Variants in RBPJ observed in about 807,000 individuals in gnomAD.
RBPJ encodes the protein recombining binding protein suppressor of hairless.
In RBPJ, 9 loss-of-function variants were observed where a neutral mutation model predicts 67.8. The ratio of observed to expected loss-of-function variants is 0.13; its 90% CI spans 0.08 to 0.23. The LOEUF (loss-of-function observed/expected upper bound fraction) is 0.23. RBPJ is among the 10% of genes least tolerant of loss of function. The probability of loss-of-function intolerance (pLI) is 1.00; values close to 1 mark genes in which losing one functional copy is unlikely to be tolerated. For synonymous variants in RBPJ, 198 were observed against 203.3 expected (o/e 0.97, Z 0.22); for missense variants, 305 against 595.6 (o/e 0.51, Z 5.08).
At chr4:26,410,197 T>G (rs1733880087) in intron 3 of RBPJ, 5 of 301,554 alleles carry the variant, frequency 1.7e-5, no homozygotes, top group South Asian at 1.4e-4. Flanking sequence ...GGTTCAGGCC[T>G]TTTTGAAGAG....
chr4:26,329,296 T>C (rs1441203164), intron 1 of RBPJ, among the ~76,000 whole-genome samples: 2 of 151,994 alleles, frequency 1.3e-5, no homozygotes, highest in Non-Finnish European at 2.9e-5. Context: ...CCTGGCGGCA[T>C]TGAGGGTTTT....
At position 26,321,045 on chromosome 4, in the gene RBPJ, C is replaced by A; in HGVS notation, c.17C>A (p.Thr6Lys). Residue 6 changes from threonine (T) to lysine (K), a missense_variant, in exon 1 of 11, where the codon ACA (threonine) becomes AAA (lysine). Physicochemically the swap from Thr to Lys is moderately conservative, Grantham distance 78. Coordinates refer to ENST00000355476, the MANE Select transcript of RBPJ (RefSeq NM_015874.6). MAPVV[T>K]GKFGERPPPK... Reference sequence around the variant, plus strand: ...TTGTGGAAGATGGCGCCTGTTGTGACAGGGTAAGTCTGAGGGAATCGGAGC... The same window carrying A: ...TTGTGGAAGATGGCGCCTGTTGTGAAAGGGTAAGTCTGAGGGAATCGGAGC... 1.2e-6 allele frequency: 2 copies of A among 1,610,626 alleles called. No individual in the cohort carries two copies. The highest frequency in any genetic ancestry group is 1.7e-6 in the Non-Finnish European group (2 of 1,177,124).
the RBPJ span, among the ~76,000 whole-genome samples, chr4:26,120,765 A>T: frequency 8.0e-6 from 1 of 124,840 alleles, no homozygotes; most frequent in Non-Finnish European, 1.6e-5. Context: ...GCAATATCCC[A>T]GCTTTATAGA....
intron 1 of RBPJ, among the ~76,000 whole-genome samples, chr4:26,241,215 A>G (rs187054953): frequency 6.6e-6 from 1 of 151,828 alleles, no homozygotes; most frequent in South Asian, 2.1e-4. Context: ...AAAAAAAAAA[A>G]AAAAAAATTG....
At chr4:26,198,894 T>C (rs1367677690) in intron 1 of RBPJ, among the ~76,000 whole-genome samples, 2 of 152,258 alleles carry the variant, frequency 1.3e-5, no homozygotes, top group African/African-American at 4.8e-5. Context: ...GCCTGTAAAA[T>C]TATTGTTTTG....
chr4:26,106,715 A>C, the RBPJ span, among the ~76,000 whole-genome samples: 2 of 152,176 alleles, frequency 1.3e-5, no homozygotes, highest in South Asian at 4.1e-4. Flanking sequence ...TAATTTGGTA[A>C]GTCACTGAAT....
At chr4:26,310,755 C>T (rs1409957693) in intron 1 of RBPJ, among the ~76,000 whole-genome samples, 2 of 151,170 alleles carry the variant, frequency 1.3e-5, no homozygotes, top group Admixed American at 6.6e-5. Context: ...CTGCAACCTC[C>T]GCCTCCCGGG....
chr4:26,156,464 G>C, the RBPJ span, among the ~76,000 whole-genome samples: 1 of 141,858 alleles, frequency 7.0e-6, no homozygotes, highest in African/African-American at 2.7e-5. Context: ...TGTAACCCAG[G>C]CTGGAGTACA....
At chr4:26,237,686 A>C (rs1388363174) in intron 1 of RBPJ, among the ~76,000 whole-genome samples, 1 of 152,200 alleles carries the variant, frequency 6.6e-6, no homozygotes, top group Non-Finnish European at 1.5e-5. Flanking sequence ...CGAGAAAATC[A>C]CTTCAATTTT....
Position 26,244,091 on chromosome 4 carries a change from C to T in RBPJ, c.-167+80477C>T, listed in dbSNP as rs148424077. On this transcript the variant is annotated intron_variant, in intron 1 of 4. Coordinates refer to the RBPJ transcript ENST00000512351. ...CTTTGGCCTGGGCAACAGAGTGAGACCCTGTCTCAAAAAAAAAGAAGAAAA... is the reference window on the plus strand; with the variant it reads ...CTTTGGCCTGGGCAACAGAGTGAGATCCTGTCTCAAAAAAAAAGAAGAAAA... Among the ~76,000 whole-genome samples, 446 of 149,126 alleles carry T rather than the reference C, an allele frequency of 3.0e-3. 2 individuals carry two copies. Among genetic ancestry groups the T allele is most frequent in the Non-Finnish European group, 3.3e-3 (223 of 67,462 alleles).
At chr4:26,290,582 T>C (rs1487131935) in intron 1 of RBPJ, among the ~76,000 whole-genome samples, 1 of 150,644 alleles carries the variant, frequency 6.6e-6, no homozygotes, top group Non-Finnish European at 1.5e-5. Context: ...TTATACCATA[T>C]GACATAGAAT....
chr4:26,270,439 A>AAGAAAGAAAGAAAGAG, intron 1 of RBPJ, among the ~76,000 whole-genome samples: 1 of 100,406 alleles, frequency 1.0e-5, no homozygotes, highest in East Asian at 2.5e-4. Flanking sequence ...GAAAGAAAGA[A>AAGAAAGAAAGAAAGAG]GAAAGAAAGA....
intron 1 of RBPJ, among the ~76,000 whole-genome samples, chr4:26,191,019 GCA>G (rs1022919436): frequency 3.3e-5 from 5 of 150,704 alleles, no homozygotes; most frequent in Non-Finnish European, 7.4e-5. Context: ...AGGCATAGCA[GCA>G]CACACCTGTG....
At chr4:26,320,459 C>A, upstream of RBPJ, 1 of 404,440 alleles carries the variant, frequency 2.5e-6, no homozygotes, top group Non-Finnish European at 4.5e-6. Context: ...CTCTGGCGCT[C>A]CTGCACCAAA....
At chr4:26,426,852 T>G (rs1735722058) in intron 7 of RBPJ, among the ~76,000 whole-genome samples, 1 of 151,654 alleles carries the variant, frequency 6.6e-6, no homozygotes, top group Non-Finnish European at 1.5e-5. Flanking sequence ...GGAGGAGAGG[T>G]CAAGTGGCAG....
At chr4:26,397,186 C>T (rs1006385222) in intron 2 of RBPJ, among the ~76,000 whole-genome samples, 1 of 152,188 alleles carries the variant, frequency 6.6e-6, no homozygotes, top group African/African-American at 2.4e-5. Flanking sequence ...TGGATTGAGA[C>T]ACGCTTCTTT....
intron 1 of RBPJ, among the ~76,000 whole-genome samples, chr4:26,184,372 G>A (rs73245722): frequency 0.22 from 33,988 of 151,774 alleles, 3,936 homozygotes; most frequent in Non-Finnish European, 0.25. Context: ...TTGACAGCCA[G>A]GGAGCAGGGT....
At chr4:26,327,667 T>C (rs1723780201) in intron 1 of RBPJ, among the ~76,000 whole-genome samples, 1 of 151,054 alleles carries the variant, frequency 6.6e-6, no homozygotes, top group South Asian at 2.1e-4. Context: ...TCATAAAAAG[T>C]TTACATAACA....
chr4:26,370,968 T>C (rs545255321), intron 1 of RBPJ, among the ~76,000 whole-genome samples: 1 of 151,828 alleles, frequency 6.6e-6, no homozygotes, highest in South Asian at 2.1e-4. Context: ...TAGTCCCAGC[T>C]ACTCTGGAGG....
Sources: gnomAD v4.1 joint callset for allele counts (sites outside exome capture counted in the v4.1 genomes callset) on GRCh38, gnomAD v4.1.1 for gene constraint, MANE v1.5 for transcripts, NCBI Gene and HGNC (gene_info 2026-07-23, HGNC 2026-07-21) for gene names.